FAM83A: variants seen among roughly 807,000 people sequenced by gnomAD.
FAM83A encodes protein FAM83A.
In FAM83A, 21 loss-of-function variants were observed where a neutral mutation model predicts 24.4. That is an observed-to-expected ratio of 0.86 (90% confidence interval 0.61 to 1.24). The LOEUF is 1.24. Among genes scored for constraint, FAM83A ranks in the 50% most tolerant of loss-of-function variants. FAM83A has a pLI of 0.00. For missense variants in FAM83A, 617 were observed against 579.8 expected (o/e 1.06, Z -0.66); for synonymous variants, 270 against 252.4 (o/e 1.07, Z -0.66).
At chr8:123,193,929 A>T in intron 2 of FAM83A, 95 bp from the exon 3 acceptor site, 1 of 1,489,748 alleles carries the variant, frequency 6.7e-7, no homozygotes, top group Non-Finnish European at 9.1e-7. Context: ...TCAACACAGA[A>T]TGGGGGTAAA....
At position 123,209,569 on chromosome 8, in the gene FAM83A, T is replaced by C. The variant is rs1445279075; in HGVS notation, c.*1881T>C. The C allele has an allele frequency of 1.2e-6, 2 of 1,612,958 alleles. No individual in the cohort carries two copies. Among genetic ancestry groups the C allele is most frequent in the South Asian group, 2.2e-5 (2 of 90,982 alleles). ...TAGAATGACTGGGCCCGGCTGAACA[T>C]TCCAAATTGGATTTCACCATCTGCT... On this transcript the variant is annotated 3_prime_UTR_variant, in exon 4 of 4. Coordinates refer to ENST00000690554, the Ensembl canonical transcript of FAM83A. The surrounding 1 kb of genome is among the most constrained non-coding windows in gnomAD (Gnocchi z 4.7).
intron 1 of FAM83A, 105 bp from the exon 2 acceptor site, chr8:123,191,698 T>G: frequency 8.2e-7 from 1 of 1,226,982 alleles, no homozygotes. Flanking sequence ...TCTGGCCCAA[T>G]GGGAACAGCT....
chr8:123,195,407 G>A (rs1011040438), intron 3 of FAM83A, among the ~76,000 whole-genome samples: 4 of 152,114 alleles, frequency 2.6e-5, no homozygotes, highest in African/African-American at 9.7e-5. Flanking sequence ...AGAGAAGGGA[G>A]GGCGGAAAAA....
intron 1 of FAM83A, among the ~76,000 whole-genome samples, chr8:123,189,500 C>T (rs972323361): frequency 2.0e-5 from 3 of 152,116 alleles, no homozygotes; most frequent in Non-Finnish European, 4.4e-5. Context: ...TATCTTTGGC[C>T]CCCAAAATCA....
intron 1 of FAM83A, among the ~76,000 whole-genome samples, chr8:123,186,040 C>T (rs1023434151): frequency 1.3e-5 from 2 of 152,184 alleles, no homozygotes; most frequent in Admixed American, 6.5e-5. Flanking sequence ...CCACCCACCT[C>T]GGCCTCCCAA....
chr8:123,189,838 T>A (rs1823912615), intron 1 of FAM83A, among the ~76,000 whole-genome samples: 1 of 152,212 alleles, frequency 6.6e-6, no homozygotes, highest in South Asian at 2.1e-4. Context: ...GCACATGTCG[T>A]CAGGACTTCC....
intron 3 of FAM83A, among the ~76,000 whole-genome samples, chr8:123,206,278 GC>G (rs1184492950): frequency 2.0e-5 from 3 of 152,066 alleles, no homozygotes; most frequent in Non-Finnish European, 4.4e-5. Context: ...GACAGCCTCG[GC>G]CCCGTGTCTG....
chr8:123,194,116 G>A (rs146800502), exon 3 of FAM83A: 76 of 1,614,024 alleles, frequency 4.7e-5, no homozygotes, highest in Admixed American at 3.8e-4. Flanking sequence ...TCATCATCTC[G>A]GACTGGAGAT....
At chr8:123,182,510 C>G (rs1346373227), upstream of FAM83A, 6 of 498,180 alleles carry the variant, frequency 1.2e-5, 1 homozygote, top group Non-Finnish European at 7.8e-6. Context: ...CGAAACCCAG[C>G]AGGAAAGCCG....
At chr8:123,198,319 A>G (rs1563786440) in intron 3 of FAM83A, among the ~76,000 whole-genome samples, 3 of 152,112 alleles carry the variant, frequency 2.0e-5, no homozygotes, top group African/African-American at 7.2e-5. Context: ...GCACACGACC[A>G]TGGGGCAGTT....
At chr8:123,198,060 G>A (rs1824220283) in intron 3 of FAM83A, among the ~76,000 whole-genome samples, 1 of 152,168 alleles carries the variant, frequency 6.6e-6, no homozygotes, top group Admixed American at 6.5e-5. Context: ...GAACCTGGGA[G>A]GCGTAGGCTG....
At chr8:123,191,770 T>C in intron 1 of FAM83A, 33 bp from the exon 2 acceptor site, 2 of 1,609,868 alleles carry the variant, frequency 1.2e-6, no homozygotes, top group Non-Finnish European at 1.7e-6. Flanking sequence ...GCCCCTGACC[T>C]TTCTGGTAAC....
chr8:123,206,497 G>A (rs935109723), intron 3 of FAM83A, among the ~76,000 whole-genome samples: 1 of 152,174 alleles, frequency 6.6e-6, no homozygotes, highest in Non-Finnish European at 1.5e-5. Context: ...GGTTAAAGGC[G>A]CGCTGGCCCT....
At chr8:123,189,290 T>A (rs1160853653) in intron 1 of FAM83A, among the ~76,000 whole-genome samples, 1 of 152,204 alleles carries the variant, frequency 6.6e-6, no homozygotes, top group Non-Finnish European at 1.5e-5. Context: ...CAGCTATCCA[T>A]CCACATCACA....
chr8:123,182,719 C>T, exon 1 of FAM83A: 3 of 1,279,012 alleles, frequency 2.3e-6, no homozygotes, highest in Non-Finnish European at 3.3e-6. Flanking sequence ...TTGGAGGTGC[C>T]CTGCACGCCG....
intron 3 of FAM83A, among the ~76,000 whole-genome samples, chr8:123,198,179 G>A (rs16898127): frequency 0.083 from 12,611 of 152,074 alleles, 1,539 homozygotes; most frequent in African/African-American, 0.27. Flanking sequence ...AGTAGATCAA[G>A]GTTTGGATGT....
intron 3 of FAM83A, among the ~76,000 whole-genome samples, chr8:123,200,968 A>AAAT (rs1554630479): frequency 1.7e-4 from 23 of 138,984 alleles, no homozygotes; most frequent in African/African-American, 6.0e-4. Context: ...AAAAAAAAAA[A>AAAT]ATATATATAT....
At chr8:123,208,623 C>T (rs1428812648) in exon 4 of FAM83A, 3 of 985,512 alleles carry the variant, frequency 3.0e-6, no homozygotes, top group East Asian at 1.1e-4. Flanking sequence ...TTCACAGTGC[C>T]CCTCTTTGTT....
chr8:123,187,414 C>G (rs1038458305), intron 1 of FAM83A, among the ~76,000 whole-genome samples: 1 of 152,266 alleles, frequency 6.6e-6, no homozygotes, highest in Non-Finnish European at 1.5e-5. Context: ...AGCAGATTCA[C>G]GCAGAAGCGG....
Sources: allele counts gnomAD v4.1 joint callset (sites outside exome capture counted in the v4.1 genomes callset), GRCh38; gene constraint gnomAD v4.1.1; non-coding constraint Gnocchi (gnomAD v3.1); transcripts MANE v1.5; gene names NCBI Gene and HGNC (gene_info 2026-07-23, HGNC 2026-07-21).